SAMD8: variants seen among roughly 807,000 people sequenced by gnomAD.
The protein encoded by SAMD8 is sterile alpha motif domain containing 8.
In SAMD8, 20 loss-of-function variants were observed where a neutral mutation model predicts 42.0. The ratio of observed to expected loss-of-function variants is 0.48; its 90% CI spans 0.34 to 0.69. The LOEUF is 0.69. Among genes scored for constraint, SAMD8 ranks in the 30% least tolerant of loss-of-function variants. The pLI, the probability that SAMD8 is intolerant of heterozygous loss-of-function variation, is 0.01. For synonymous variants in SAMD8, 162 were observed against 173.0 expected, an observed-to-expected ratio of 0.94 and a Z score of 0.50; for missense variants, 328 against 511.6, an observed-to-expected ratio of 0.64 and a Z score of 3.46.
chr10:75,173,839 A>C (rs1362464289), intron 4 of SAMD8, among the ~76,000 whole-genome samples: 1 of 152,172 alleles, frequency 6.6e-6, no homozygotes, highest in Non-Finnish European at 1.5e-5. Context: ...TTTAAGACAT[A>C]GGGCTTTGGA....
In SAMD8 at chr10:75,129,391, C is replaced by A. The variant is rs1197153067; in HGVS notation, c.-16+17669C>A. ...AAGTAGCTGGGATTACAGGCATGCA[C>A]CACCACACCCAGATAATTTTTGTAT... is the stretch of plus-strand genomic sequence containing the variant. On this transcript the variant is annotated intron_variant, in intron 1 of 5. Coordinates refer to ENST00000542569, the MANE Select transcript of SAMD8 (RefSeq NM_001174156.2). 2.6e-5 allele frequency among the ~76,000 whole-genome samples: 4 copies of A among 152,086 alleles called. No individual in the cohort carries two copies. In the East Asian group the frequency reaches 7.7e-4, roughly 29 times the overall value.
chr10:75,100,223 A>G (rs1245231141), intron 1 of SAMD8, among the ~76,000 whole-genome samples: 1 of 152,142 alleles, frequency 6.6e-6, no homozygotes, highest in African/African-American at 2.4e-5. Context: ...GGGGGCTGGT[A>G]GGCCACAGTG....
chr10:75,106,101 C>CTTTTTTTTTTTTTTT (rs767630456), intron 1 of SAMD8, among the ~76,000 whole-genome samples: 1 of 123,024 alleles, frequency 8.1e-6, no homozygotes, highest in Non-Finnish European at 1.7e-5. Context: ...TCTTTCTTTT[C>CTTTTTTTTTTTTTTT]TTTTTTTTTT....
intron 1 of SAMD8, among the ~76,000 whole-genome samples, chr10:75,132,952 G>A (rs1233582203): frequency 1.3e-5 from 2 of 152,158 alleles, no homozygotes; most frequent in East Asian, 3.8e-4. Context: ...TCACACTACT[G>A]CACTCCAGCC....
At chr10:75,160,363 A>ATT (rs57933345) in intron 2 of SAMD8, among the ~76,000 whole-genome samples, 13 of 143,078 alleles carry the variant, frequency 9.1e-5, no homozygotes, top group African/African-American at 2.6e-4. Flanking sequence ...CGCCAGGCTA[A>ATT]TTTTTTTTTT....
chr10:75,171,481 T>C (rs1450456169), intron 4 of SAMD8, among the ~76,000 whole-genome samples: 1 of 152,200 alleles, frequency 6.6e-6, no homozygotes, highest in African/African-American at 2.4e-5. Context: ...TAGCCTATTT[T>C]TCATTTAATA....
chr10:75,148,498 C>A (rs746585811), intron 1 of SAMD8, among the ~76,000 whole-genome samples: 2 of 151,986 alleles, frequency 1.3e-5, no homozygotes, highest in African/African-American at 2.4e-5. Flanking sequence ...GGACTACAGG[C>A]GCACGCTGCC....
chr10:75,137,999 C>A (rs10509354), intron 1 of SAMD8, among the ~76,000 whole-genome samples: 13,723 of 152,192 alleles, frequency 0.09, 685 homozygotes, highest in Middle Eastern at 0.14. Context: ...TGACTGAAAC[C>A]TGGAGAATTA....
intron 1 of SAMD8, among the ~76,000 whole-genome samples, chr10:75,127,813 C>T (rs569405127): frequency 6.6e-6 from 1 of 152,268 alleles, no homozygotes; most frequent in South Asian, 2.1e-4. Flanking sequence ...CATTTTAACT[C>T]AGAAAGGATT....
chr10:75,119,136 A>T (rs565969934), intron 1 of SAMD8, among the ~76,000 whole-genome samples: 4 of 152,200 alleles, frequency 2.6e-5, no homozygotes, highest in African/African-American at 9.6e-5. Context: ...TAAATTTTGT[A>T]AACTAAATCA....
chr10:75,161,969 C>T (rs1840568151), intron 2 of SAMD8, among the ~76,000 whole-genome samples: 1 of 150,760 alleles, frequency 6.6e-6, no homozygotes, highest in African/African-American at 2.4e-5. Context: ...ACCCAGGAGG[C>T]AGAAGTGGCA....
intron 1 of SAMD8, among the ~76,000 whole-genome samples, chr10:75,100,698 A>T (rs1417889735): frequency 6.6e-6 from 1 of 152,144 alleles, no homozygotes; most frequent in Non-Finnish European, 1.5e-5. Flanking sequence ...CCCGCTCAGC[A>T]GAGCAGCTGC....
At chr10:75,146,202 T>C (rs1258779424) in intron 1 of SAMD8, among the ~76,000 whole-genome samples, 1 of 150,534 alleles carries the variant, frequency 6.6e-6, no homozygotes, top group Admixed American at 6.6e-5. Flanking sequence ...GGCCGTAACC[T>C]GGGGCAGTAG....
chr10:75,164,486 C>T (rs1019472247), intron 2 of SAMD8, 159 bp from the exon 3 acceptor site: 1 of 982,200 alleles, frequency 1.0e-6, no homozygotes, highest in African/African-American at 1.8e-5. Context: ...CTTTATGACA[C>T]AGATTTTTTC....
chr10:75,181,143 T>C lies in SAMD8; in HGVS notation c.*4451T>C, dbSNP rs941441431. On this transcript the variant is annotated 3_prime_UTR_variant, in exon 6 of 6. Transcript: ENST00000542569. The stretch of plus-strand genomic sequence containing the variant: ...CTGTCTTGTAGAATAGTCCAATTGC[T>C]TTCTTAAACAGTACTGGTTTCATTT... The C allele has an allele frequency of 6.6e-6, 1 of 152,232 alleles. No individual in the cohort carries two copies. Among genetic ancestry groups the C allele is most frequent in the African/African-American group, 2.4e-5 (1 of 41,466 alleles). The allele number at this position is 152,232 out of a possible 1,614,324, so 9.4% of individuals were successfully genotyped here.
chr10:75,166,614 C>A (rs1840687645), intron 3 of SAMD8, among the ~76,000 whole-genome samples: 1 of 152,088 alleles, frequency 6.6e-6, no homozygotes, highest in African/African-American at 2.4e-5. Context: ...ACTTTTAGGC[C>A]ACATTGAGCC....
intron 1 of SAMD8, 146 bp downstream of exon 1, chr10:75,111,868 G>A (rs1353271791): frequency 2.0e-6 from 2 of 996,982 alleles, no homozygotes; most frequent in Non-Finnish European, 2.6e-6. Flanking sequence ...AACCGGGATA[G>A]TCAGCTCTGG....
In SAMD8 at chr10:75,179,048, C is replaced by CAA. The variant is rs1841038518; in HGVS notation, c.*2359_*2360dup. On this transcript the variant is annotated 3_prime_UTR_variant, in exon 6 of 6. Coordinates refer to ENST00000542569, the MANE Select transcript of SAMD8 (RefSeq NM_001174156.2). ...CATCTCAAAACGAAACAAAACAAAA[C>CAA]AAAACAAATTAGAGTGGGTGCAGTG... The CAA allele has an allele frequency of 1.3e-5, 2 of 150,776 alleles. No homozygotes were observed. Among genetic ancestry groups the CAA allele is most frequent in the African/African-American group, 4.9e-5 (2 of 40,828 alleles). The allele number at this position is 150,776 out of a possible 1,614,324, so 9.3% of individuals were successfully genotyped here.
At chr10:75,138,812 T>C (rs898387363) in intron 1 of SAMD8, among the ~76,000 whole-genome samples, 1 of 152,226 alleles carries the variant, frequency 6.6e-6, no homozygotes, top group Admixed American at 6.5e-5. Flanking sequence ...TATTTCATAT[T>C]GTTCAGAACA....
Sources: gnomAD v4.1 joint callset for allele counts (sites outside exome capture counted in the v4.1 genomes callset) on GRCh38, gnomAD v4.1.1 for gene constraint, MANE v1.5 for transcripts, NCBI Gene and HGNC (gene_info 2026-07-23, HGNC 2026-07-21) for gene names.